KIF7: variants seen among roughly 807,000 people sequenced by gnomAD.
KIF7 encodes the protein kinesin-like protein KIF7.
In KIF7, 104 loss-of-function variants were observed where a neutral mutation model predicts 135.7. The ratio of observed to expected loss-of-function variants is 0.77; its 90% CI spans 0.65 to 0.90. KIF7 has a LOEUF of 0.90. Ranked by LOEUF, KIF7 falls within the 40% of genes least tolerant of loss-of-function variation. KIF7 has a pLI of 0.00. For synonymous variants in KIF7, 883 were observed against 809.4 expected (o/e 1.09, Z -1.54); for missense variants, 2,005 against 1,839.1 (o/e 1.09, Z -1.65).
Position 89,648,749 on chromosome 15 carries a change from T to C in KIF7, c.949A>G (p.Asn317Asp). Reference sequence around the variant, plus strand: ...CAGGCGATCATCACCGTCTTGGCGTTCCCGCCCAGCGAGTCTTTGAGGATC... The same window carrying C: ...CAGGCGATCATCACCGTCTTGGCGTCCCCGCCCAGCGAGTCTTTGAGGATC... ...TRILKDSLGG[N>D]AKTVMIACVS... The change falls in exon 5 of 19, where the codon AAC becomes GAC. Residue 317 changes from asparagine (N) to aspartate (D), a missense_variant. Transcript: ENST00000394412. 6.5e-7 allele frequency: 1 copy of C among 1,535,692 alleles called. No individual in the cohort carries two copies. Among genetic ancestry groups the C allele is most frequent in the East Asian group, 2.4e-5 (1 of 40,846 alleles).
intron 11 of KIF7, among the ~76,000 whole-genome samples, chr15:89,640,608 G>A (rs1963900730): frequency 1.3e-5 from 2 of 152,094 alleles, no homozygotes; most frequent in South Asian, 4.1e-4. Context: ...GAGAAAATAA[G>A]GATGGGTGGG....
chr15:89,622,652 C>T (rs911924106), intron 1 of KIF7, among the ~76,000 whole-genome samples: 1 of 152,206 alleles, frequency 6.6e-6, no homozygotes, highest in South Asian at 2.1e-4. Flanking sequence ...TCTCCTCCCC[C>T]AGGCAGGCAG....
the KIF7 span, among the ~76,000 whole-genome samples, chr15:89,661,669 T>C: frequency 2.6e-5 from 4 of 152,172 alleles, no homozygotes; most frequent in African/African-American, 9.6e-5. Context: ...GAAGTTTCCA[T>C]TGACCCAGTT....
upstream of KIF7, among the ~76,000 whole-genome samples, chr15:89,656,081 G>A (rs1158922210): frequency 6.6e-6 from 1 of 152,170 alleles, no homozygotes; most frequent in Non-Finnish European, 1.5e-5. Flanking sequence ...ATTAGAAAAA[G>A]TAAACTCCAG....
Position 89,646,922 on chromosome 15 carries a change from C to G in KIF7, c.1696G>C (p.Ala566Pro). 1.9e-6 allele frequency: 3 copies of G among 1,614,076 alleles called. No individual in the cohort carries two copies. Among genetic ancestry groups the G allele is most frequent in the Non-Finnish European group, 2.5e-6 (3 of 1,180,000 alleles). ...TGGGCGTGGGCACCCCCCAGGGGGG[C>G]TGTATGAGGTCGAGGCACAAAGGAC... ...PGSFVPRPHT[A>P]PLGGAHAHVL... is the part of the protein sequence containing the mutation. The change falls in exon 7 of 19, where the codon GCC becomes CCC. Residue 566 changes from alanine (A) to proline (P), a missense_variant. Coordinates refer to ENST00000394412, the MANE Select transcript of KIF7 (RefSeq NM_198525.3).
At position 89,630,510 on chromosome 15, in the gene KIF7, G is replaced by A. The variant is rs776622132; in HGVS notation, c.3112-17C>T. ...CCGCTCCTCCTGCAGAGACGGGCACGCGTGGAGGAACAGCACCCACTGCCT... is the reference window on the plus strand; with the variant it reads ...CCGCTCCTCCTGCAGAGACGGGCACACGTGGAGGAACAGCACCCACTGCCT... On this transcript the variant is annotated splice_polypyrimidine_tract_variant and intron_variant, in intron 15 of 18. Transcript: ENST00000394412. The A allele has an allele frequency of 6.8e-5, 104 of 1,538,210 alleles. No homozygotes were observed. The highest frequency in any genetic ancestry group is 1.4e-4 in the Admixed American group (7 of 50,978).
At chr15:89,623,799 C>T (rs372423397), downstream of KIF7, 12 of 1,613,840 alleles carry the variant, frequency 7.4e-6, no homozygotes, top group South Asian at 2.2e-5. Flanking sequence ...CCTCCTCACC[C>T]GGCCATGACT....
chr15:89,624,208 G>A (rs1333114693), downstream of KIF7: 3 of 1,614,166 alleles, frequency 1.9e-6, no homozygotes, highest in East Asian at 4.5e-5. Context: ...GAATTCAACT[G>A]TGACTTCTTC....
intron 1 of KIF7, chr15:89,621,630 G>A: frequency 7.9e-7 from 1 of 1,263,948 alleles, no homozygotes; most frequent in African/African-American, 1.5e-5. Context: ...GAGTCCATTA[G>A]GGAAGAGAAA....
Position 89,648,650 on chromosome 15 carries a change from G to T in KIF7, c.1048C>A (p.Arg350Ser). 1 of 1,535,834 alleles carries T rather than the reference G, an allele frequency of 6.5e-7. No homozygotes were observed. The highest frequency in any genetic ancestry group is 8.7e-7 in the Non-Finnish European group (1 of 1,146,296). ...LNYASRAQNI[R>S]NRATVNWRPE... is the part of the protein sequence containing the mutation. ...CGCCAGTTGACCGTGGCGCGGTTGC[G>T]GATGTTCTGGGCGCGGCTGGCGTAG... is the stretch of plus-strand genomic sequence containing the variant. The change falls in exon 5 of 19, where the codon CGC becomes AGC. Residue 350 changes from arginine to serine, a missense_variant. By Grantham distance (110) the Arg-to-Ser change is moderately radical (BLOSUM62 -1). Transcript: ENST00000394412.
chr15:89,622,745 C>T (rs557626838), intron 1 of KIF7, among the ~76,000 whole-genome samples: 1 of 152,334 alleles, frequency 6.6e-6, no homozygotes, highest in South Asian at 2.1e-4. Context: ...CCATCCTGCA[C>T]AGCCACTGCT....
downstream of KIF7, chr15:89,626,858 A>AGTCTGTT: frequency 7.4e-7 from 1 of 1,346,504 alleles, no homozygotes; most frequent in South Asian, 1.3e-5. Flanking sequence ...ATTTTCTTAA[A>AGTCTGTT]GTCTGTTTTT....
At chr15:89,659,655 T>G (rs1010011252), upstream of KIF7, among the ~76,000 whole-genome samples, 4 of 152,180 alleles carry the variant, frequency 2.6e-5, no homozygotes, top group African/African-American at 9.7e-5. Flanking sequence ...ATGACAAGAT[T>G]CCGTTTTACT....
downstream of KIF7, chr15:89,625,133 C>G: frequency 3.7e-6 from 6 of 1,613,910 alleles, no homozygotes; most frequent in Non-Finnish European, 5.1e-6. Context: ...CTCAGCATGC[C>G]CAGGGCCAGC....
chr15:89,655,686 T>C (rs541599069), upstream of KIF7, among the ~76,000 whole-genome samples: 2 of 152,264 alleles, frequency 1.3e-5, no homozygotes, highest in East Asian at 3.9e-4. Context: ...CAAACTGGAC[T>C]CCAGACCATC....
At chr15:89,620,444 G>A (rs1285487238) in intron 1 of KIF7, among the ~76,000 whole-genome samples, 2 of 152,086 alleles carry the variant, frequency 1.3e-5, no homozygotes, top group Non-Finnish European at 2.9e-5. Flanking sequence ...CTGGGCTCAA[G>A]TGATCCATCT....
In KIF7 at chr15:89,646,799, C is replaced by T. The variant is rs780152289; in HGVS notation, c.1788+31G>A. 5 of 1,604,088 alleles carry T rather than the reference C, an allele frequency of 3.1e-6. No homozygotes were observed. The African/African-American group carries it at 5.4e-5, about 17-fold the overall frequency. On this transcript the variant is annotated intron_variant, in intron 7 of 18. Coordinates refer to ENST00000394412, the MANE Select transcript of KIF7 (RefSeq NM_198525.3). ...CCGAACTTGACCAGTCCAGCAGGGC[C>T]CACAGACACCCAGCCTCACCCTCTT...
chr15:89,632,472 G>A (rs1001836455), intron 14 of KIF7, among the ~76,000 whole-genome samples: 1 of 152,176 alleles, frequency 6.6e-6, no homozygotes, highest in African/African-American at 2.4e-5. Context: ...AAATGAATTG[G>A]AGGATGGACA....
intron 1 of KIF7, among the ~76,000 whole-genome samples, chr15:89,618,693 G>T (rs1219985522): frequency 6.6e-6 from 1 of 152,208 alleles, no homozygotes; most frequent in African/African-American, 2.4e-5. Context: ...AGGTGTGGTG[G>T]TTCACGCCTG....
Sources: gnomAD v4.1 joint callset for allele counts (sites outside exome capture counted in the v4.1 genomes callset) on GRCh38, gnomAD v4.1.1 for gene constraint, MANE v1.5 for transcripts, NCBI Gene and HGNC (gene_info 2026-07-23, HGNC 2026-07-21) for gene names.